The following IKZF2 variants were observed in gnomAD, a reference collection of about 807,000 sequenced individuals.
IKZF2 encodes the protein zinc finger protein Helios.
In IKZF2, 15 loss-of-function variants were observed where a neutral mutation model predicts 49.2. The observed-to-expected ratio is 0.30, with a 90% CI of 0.20 to 0.47. IKZF2 has a LOEUF of 0.47. Ranked by LOEUF, IKZF2 falls within the 20% of genes least tolerant of loss-of-function variation. IKZF2 has a pLI of 1.00. For missense variants in IKZF2, 567 were observed against 664.6 expected (o/e 0.85, Z 1.61); for synonymous variants, 227 against 221.4 (o/e 1.03, Z -0.23).
intron 4 of IKZF2, among the ~76,000 whole-genome samples, chr2:213,075,804 G>A (rs1574739743): frequency 6.6e-6 from 1 of 152,054 alleles, no homozygotes; most frequent in South Asian, 2.1e-4. Flanking sequence ...CCTCTATCTT[G>A]ATATTATACA....
At position 213,003,904 on chromosome 2, in the gene IKZF2, A is replaced by G. The variant is rs1695109805; in HGVS notation, c.*3456T>C. 6.6e-6 allele frequency: 1 copy of G among 151,828 alleles called. No homozygotes were observed. The highest frequency in any genetic ancestry group is 2.4e-5 in the African/African-American group (1 of 41,424). 9.4% of individuals were successfully genotyped at this position (151,828 alleles called of 1,614,324 possible). ...TTACATTAAATATCTTTGAATGTATATCCAATCAGCTTAATCATTGTTTGT... is the reference window on the plus strand; with the variant it reads ...TTACATTAAATATCTTTGAATGTATGTCCAATCAGCTTAATCATTGTTTGT... On this transcript the variant is annotated 3_prime_UTR_variant, in exon 9 of 9. Coordinates refer to ENST00000434687, the MANE Select transcript of IKZF2 (RefSeq NM_001387220.1).
chr2:213,096,065 GA>G (rs1298319786), intron 4 of IKZF2, among the ~76,000 whole-genome samples: 1 of 151,906 alleles, frequency 6.6e-6, no homozygotes, highest in East Asian at 1.9e-4. Flanking sequence ...GAGCCTAGAA[GA>G]GGTACTGGAG....
intron 6 of IKZF2, among the ~76,000 whole-genome samples, chr2:213,034,661 T>C (rs1423182615): frequency 2.0e-5 from 3 of 152,160 alleles, no homozygotes; most frequent in Non-Finnish European, 4.4e-5. Context: ...CGTGGTATCC[T>C]AAAACAGTTA....
At chr2:213,028,905 T>C (rs1402921024) in intron 6 of IKZF2, among the ~76,000 whole-genome samples, 1 of 152,130 alleles carries the variant, frequency 6.6e-6, no homozygotes, top group Non-Finnish European at 1.5e-5. Context: ...ATACTTTTTC[T>C]GAAACTTTAA....
intron 4 of IKZF2, among the ~76,000 whole-genome samples, chr2:213,137,037 A>C (rs1308324891): frequency 6.6e-6 from 1 of 152,190 alleles, no homozygotes; most frequent in Non-Finnish European, 1.5e-5. Context: ...CCAAAACTTT[A>C]TGCAAACAGC....
chr2:213,120,501 C>A (rs1446953378), intron 4 of IKZF2, among the ~76,000 whole-genome samples: 1 of 152,156 alleles, frequency 6.6e-6, no homozygotes, highest in Non-Finnish European at 1.5e-5. Context: ...AAAGGAATTT[C>A]AGGAGATGAA....
At chr2:213,147,093 T>C (rs1188591334) in intron 4 of IKZF2, among the ~76,000 whole-genome samples, 1 of 152,168 alleles carries the variant, frequency 6.6e-6, no homozygotes, top group Non-Finnish European at 1.5e-5. Flanking sequence ...AATGACCCTT[T>C]ATCAAAAACA....
intron 4 of IKZF2, among the ~76,000 whole-genome samples, chr2:213,139,948 C>A (rs1055557782): frequency 1.3e-5 from 2 of 151,930 alleles, no homozygotes; most frequent in Admixed American, 6.6e-5. Flanking sequence ...AGCAGTATTA[C>A]GATCTCACAC....
intron 7 of IKZF2, among the ~76,000 whole-genome samples, chr2:213,018,927 A>G (rs907121815): frequency 6.6e-6 from 1 of 152,134 alleles, no homozygotes; most frequent in African/African-American, 2.4e-5. Context: ...TTCTACATCT[A>G]TGTTCCCAGA....
chr2:213,121,781 T>C (rs991777803), intron 4 of IKZF2, among the ~76,000 whole-genome samples: 3 of 152,212 alleles, frequency 2.0e-5, no homozygotes, highest in Admixed American at 2.0e-4. Context: ...AATATCTGTT[T>C]CCATTCTGAA....
chr2:213,068,912 A>ACACAC (rs1702405971), intron 4 of IKZF2, among the ~76,000 whole-genome samples: 2 of 147,186 alleles, frequency 1.4e-5, no homozygotes, highest in South Asian at 2.2e-4. Context: ...GGAGGGAGAA[A>ACACAC]ACACACACAC....
At chr2:213,099,439 T>C (rs1253500383) in intron 4 of IKZF2, among the ~76,000 whole-genome samples, 2 of 152,134 alleles carry the variant, frequency 1.3e-5, no homozygotes, top group Non-Finnish European at 2.9e-5. Flanking sequence ...TCCTTAAATT[T>C]TTGTGATCAT....
chr2:213,068,798 C>T (rs1702392731), intron 4 of IKZF2, among the ~76,000 whole-genome samples: 1 of 151,808 alleles, frequency 6.6e-6, no homozygotes. Context: ...GCAGGATGTT[C>T]TTTATTAAGC....
At chr2:213,017,452 T>C (rs1039326764) in intron 7 of IKZF2, among the ~76,000 whole-genome samples, 3 of 152,296 alleles carry the variant, frequency 2.0e-5, no homozygotes, top group Non-Finnish European at 4.4e-5. Context: ...AATTACCATA[T>C]CACTGAATGA....
intron 4 of IKZF2, chr2:213,147,284 G>T (rs567114655): frequency 3.3e-6 from 1 of 300,152 alleles, no homozygotes. Context: ...TTAAAAGCAA[G>T]TAACACTGTA....
At chr2:213,063,805 G>C (rs1291814525) in intron 4 of IKZF2, among the ~76,000 whole-genome samples, 1 of 151,890 alleles carries the variant, frequency 6.6e-6, no homozygotes, top group East Asian at 1.9e-4. Flanking sequence ...GCTCTCCAAT[G>C]AAACAAGTAA....
chr2:213,044,150 G>A (rs757028735), intron 6 of IKZF2, among the ~76,000 whole-genome samples: 23 of 152,070 alleles, frequency 1.5e-4, no homozygotes, highest in Admixed American at 1.5e-3. Flanking sequence ...GTTAGCAAAG[G>A]CTACATTCTT....
In IKZF2 at chr2:213,077,580, C is replaced by CTT. The variant is rs58528665; in HGVS notation, c.140-20483_140-20482dup. ...TCCAGTTCTGATACTATTCTATGTA[C>CTT]TTTTTTTTTTTTTTTTTTTTTTTTT... On this transcript the variant is annotated intron_variant, in intron 4 of 8. Coordinates refer to ENST00000434687, the MANE Select transcript of IKZF2 (RefSeq NM_001387220.1). Among the ~76,000 whole-genome samples the CTT allele has an allele frequency of 8.6e-3, 514 of 59,488 alleles. 19 individuals carry two copies. Among genetic ancestry groups the CTT allele is most frequent in the African/African-American group, 0.021 (307 of 14,944 alleles). The allele number at this position is 59,488 out of a possible 152,430, so 39.0% of individuals were successfully genotyped here.
At chr2:213,147,628 A>AC (rs1280236797) in intron 4 of IKZF2, 80 bp downstream of exon 4, 2 of 964,698 alleles carry the variant, frequency 2.1e-6, no homozygotes, top group South Asian at 2.5e-5. Context: ...ATGTGAGAGG[A>AC]CCCCACAGAC....
Sources: gnomAD v4.1 joint callset for allele counts (sites outside exome capture counted in the v4.1 genomes callset) on GRCh38, gnomAD v4.1.1 for gene constraint, MANE v1.5 for transcripts, NCBI Gene and HGNC (gene_info 2026-07-23, HGNC 2026-07-21) for gene names.